Variants in TSC22D1 observed in about 807,000 individuals in gnomAD.
The protein encoded by TSC22D1 is TSC22 domain family member 1.
Under a neutral mutation model 74.2 loss-of-function variants are expected in TSC22D1, and 9 were observed. The ratio of observed to expected loss-of-function variants is 0.12; its 90% CI spans 0.07 to 0.21. The LOEUF (loss-of-function observed/expected upper bound fraction) is 0.21. TSC22D1 is among the 10% of genes least tolerant of loss of function. TSC22D1 has a pLI of 1.00. For missense variants in TSC22D1, 1,427 were observed against 1,304.7 expected, an observed-to-expected ratio of 1.09 and a Z score of -1.44; for synonymous variants, 586 against 492.5, an observed-to-expected ratio of 1.19 and a Z score of -2.51.
chr13:44,554,630 CAAAAAAAAAAAA>C (rs59922380), intron 1 of TSC22D1, among the ~76,000 whole-genome samples: 2,646 of 68,744 alleles, frequency 0.038, 114 homozygotes, highest in African/African-American at 0.12. Flanking sequence ...ATACCAGGAA[CAAAAAAAAAAAA>C]AAAAAAAAAA....
chr13:44,435,720 G>A (rs1408802611), intron 2 of TSC22D1: 2 of 404,742 alleles, frequency 4.9e-6, no homozygotes, highest in Non-Finnish European at 9.1e-6. Context: ...CATCGCTAAA[G>A]GTGTGCTCAC....
chr13:44,502,344 A>AT (rs1566142360), intron 1 of TSC22D1, among the ~76,000 whole-genome samples: 1 of 152,164 alleles, frequency 6.6e-6, no homozygotes, highest in East Asian at 1.9e-4. Context: ...AATTGTCTTC[A>AT]TTTTTCAGAG....
intron 1 of TSC22D1, among the ~76,000 whole-genome samples, chr13:44,545,957 A>G (rs1199269396): frequency 6.6e-6 from 1 of 151,848 alleles, no homozygotes; most frequent in Non-Finnish European, 1.5e-5. Flanking sequence ...AGCCTGGGTG[A>G]CAGAGCGAGA....
intron 1 of TSC22D1, among the ~76,000 whole-genome samples, chr13:44,523,416 G>C (rs1880406377): frequency 6.6e-6 from 1 of 152,128 alleles, no homozygotes; most frequent in African/African-American, 2.4e-5. Flanking sequence ...TTAGATGATG[G>C]ATAAACAAAC....
At chr13:44,499,278 G>GT (rs1365059389) in intron 1 of TSC22D1, among the ~76,000 whole-genome samples, 1 of 152,110 alleles carries the variant, frequency 6.6e-6, no homozygotes, top group Non-Finnish European at 1.5e-5. Flanking sequence ...CTTTCCTTTT[G>GT]TTTGTGCTGA....
intron 1 of TSC22D1, among the ~76,000 whole-genome samples, chr13:44,510,354 T>C (rs1380546431): frequency 3.3e-5 from 5 of 151,666 alleles, no homozygotes; most frequent in Admixed American, 2.6e-4. Context: ...ATTGCGCCAG[T>C]GCACTCCAGC....
chr13:44,482,292 C>T (rs1374405484), intron 1 of TSC22D1, among the ~76,000 whole-genome samples: 3 of 151,984 alleles, frequency 2.0e-5, no homozygotes, highest in East Asian at 3.9e-4. Context: ...CCAGGCACTT[C>T]GGGAGGCTGA....
At chr13:44,481,930 A>G (rs1278349410) in intron 1 of TSC22D1, among the ~76,000 whole-genome samples, 1 of 152,194 alleles carries the variant, frequency 6.6e-6, no homozygotes, top group African/African-American at 2.4e-5. Flanking sequence ...TGACTGAACC[A>G]TTATTCCCAG....
chr13:44,538,429 A>C (rs1389144249), intron 1 of TSC22D1: 4 of 985,264 alleles, frequency 4.1e-6, no homozygotes, highest in Non-Finnish European at 4.8e-6. Flanking sequence ...AACAAAAAAA[A>C]CCATTTCATT....
intron 1 of TSC22D1, among the ~76,000 whole-genome samples, chr13:44,449,391 G>A (rs1255764054): frequency 1.3e-5 from 2 of 152,234 alleles, no homozygotes; most frequent in Admixed American, 6.5e-5. Context: ...TCCTTGCAAA[G>A]CCCTCAAGAG....
intron 1 of TSC22D1, among the ~76,000 whole-genome samples, chr13:44,551,226 TCAC>T (rs1226639747): frequency 3.4e-5 from 5 of 149,244 alleles, no homozygotes; most frequent in Non-Finnish European, 6.0e-5. Context: ...ATCCAAGATC[TCAC>T]CACTACACTC....
At chr13:44,497,517 C>T (rs1238402264) in intron 1 of TSC22D1, among the ~76,000 whole-genome samples, 1 of 152,122 alleles carries the variant, frequency 6.6e-6, no homozygotes, top group Non-Finnish European at 1.5e-5. Flanking sequence ...AATGGTTAAT[C>T]TTATGTTGTT....
intron 1 of TSC22D1, among the ~76,000 whole-genome samples, chr13:44,443,238 A>C (rs1875353519): frequency 1.3e-5 from 2 of 152,062 alleles, no homozygotes; most frequent in Non-Finnish European, 2.9e-5. Context: ...AGAGCAACAA[A>C]GAATGATAGC....
At chr13:44,482,183 A>C (rs1878207119) in intron 1 of TSC22D1, among the ~76,000 whole-genome samples, 1 of 152,232 alleles carries the variant, frequency 6.6e-6, no homozygotes, top group African/African-American at 2.4e-5. Flanking sequence ...ATGACTTTAT[A>C]CATACATTAT....
intron 1 of TSC22D1, among the ~76,000 whole-genome samples, chr13:44,522,171 C>G (rs1880347433): frequency 6.6e-6 from 1 of 152,138 alleles, no homozygotes; most frequent in Non-Finnish European, 1.5e-5. Context: ...TTAAAAGGGG[C>G]ATTCCAGTCA....
chr13:44,551,542 T>G (rs1027916718), intron 1 of TSC22D1, among the ~76,000 whole-genome samples: 1 of 151,926 alleles, frequency 6.6e-6, no homozygotes, highest in Non-Finnish European at 1.5e-5. Flanking sequence ...TGCCTCAGCC[T>G]CCCAAGTAGC....
intron 1 of TSC22D1, among the ~76,000 whole-genome samples, chr13:44,509,577 T>G (rs1408757981): frequency 1.3e-5 from 2 of 152,068 alleles, no homozygotes; most frequent in Non-Finnish European, 2.9e-5. Flanking sequence ...GAGGCGGAGG[T>G]TGCAGTGAGC....
chr13:44,451,191 G>A (rs1207614036), intron 1 of TSC22D1, among the ~76,000 whole-genome samples: 1 of 152,186 alleles, frequency 6.6e-6, no homozygotes, highest in African/African-American at 2.4e-5. Context: ...CTCACGAAAT[G>A]AGCCAATGGA....
At chr13:44,520,136 G>C (rs1880241199) in intron 1 of TSC22D1, among the ~76,000 whole-genome samples, 1 of 152,178 alleles carries the variant, frequency 6.6e-6, no homozygotes, top group African/African-American at 2.4e-5. Context: ...TATTCAATCT[G>C]TGGTATTGGT....
Sources: allele counts gnomAD v4.1 joint callset (sites outside exome capture counted in the v4.1 genomes callset), GRCh38; gene constraint gnomAD v4.1.1; transcripts MANE v1.5; gene names NCBI Gene and HGNC (gene_info 2026-07-23, HGNC 2026-07-21).